Variants in SLIT2 observed in about 807,000 individuals in gnomAD.
The protein encoded by SLIT2 is slit guidance ligand 2.
Under a neutral mutation model 185.7 loss-of-function variants are expected in SLIT2, and 41 were observed. That is an observed-to-expected ratio of 0.22 (90% CI 0.17 to 0.29). The LOEUF is 0.29. SLIT2 is among the 10% of genes least tolerant of loss of function. SLIT2 has a pLI of 1.00. For synonymous variants in SLIT2, 693 were observed against 680.2 expected, an observed-to-expected ratio of 1.02 and a Z score of -0.29; for missense variants, 1,571 against 1,909.0, an observed-to-expected ratio of 0.82 and a Z score of 3.30.
chr4:20,480,706 T>G lies in SLIT2; in HGVS notation c.468-10T>G. Reference sequence around the variant, plus strand: ...CCCTTCTACATATATTCTTCTAATCTTTTTAACAGGCAACTGGATTACAAC... The same window carrying G: ...CCCTTCTACATATATTCTTCTAATCGTTTTAACAGGCAACTGGATTACAAC... On this transcript the variant is annotated splice_polypyrimidine_tract_variant and intron_variant, in intron 5 of 36. Transcript: ENST00000504154. 6.2e-7 allele frequency: 1 copy of G among 1,609,736 alleles called. No individual in the cohort carries two copies. Among genetic ancestry groups the G allele is most frequent in the South Asian group, 1.1e-5 (1 of 90,976 alleles).
At chr4:20,258,845 T>G (rs1577332073) in intron 3 of SLIT2, among the ~76,000 whole-genome samples, 1 of 151,848 alleles carries the variant, frequency 6.6e-6, no homozygotes, top group South Asian at 2.1e-4. Context: ...AATAGTCACT[T>G]TAAGTAAAAA....
intron 29 of SLIT2, among the ~76,000 whole-genome samples, chr4:20,569,691 T>C (rs1037688332): frequency 1.3e-5 from 2 of 152,092 alleles, no homozygotes; most frequent in African/African-American, 2.4e-5. Flanking sequence ...TTCATAGATA[T>C]GCTCTTTTTC....
intron 6 of SLIT2, among the ~76,000 whole-genome samples, chr4:20,485,607 C>T (rs1004445210): frequency 2.6e-5 from 4 of 152,218 alleles, no homozygotes; most frequent in Non-Finnish European, 5.9e-5. Flanking sequence ...TCTTTTAACA[C>T]GGTGCTACAG....
At chr4:20,307,231 T>TTTCCTTCCCTCCTTCCTTCCTTCC (rs1553876337) in intron 4 of SLIT2, among the ~76,000 whole-genome samples, 1 of 57,706 alleles carries the variant, frequency 1.7e-5, no homozygotes, top group African/African-American at 7.2e-5. Context: ...CTCTATTTCT[T>TTTCCTTCCCTCCTTCCTTCCTTCC]TTCCTTCCTT....
At chr4:20,278,476 AT>A (rs201212717) in intron 4 of SLIT2, among the ~76,000 whole-genome samples, 1 of 151,752 alleles carries the variant, frequency 6.6e-6, no homozygotes, top group Non-Finnish European at 1.5e-5. Flanking sequence ...AACTTTCCTC[AT>A]TTTTTTTAAC....
intron 4 of SLIT2, among the ~76,000 whole-genome samples, chr4:20,294,317 C>CCA (rs1716260209): frequency 6.6e-6 from 1 of 151,464 alleles, no homozygotes; most frequent in African/African-American, 2.4e-5. Context: ...CCACTGCACT[C>CCA]CATCCTGGAT....
chr4:20,568,421 C>CA (rs1725284315), intron 28 of SLIT2, among the ~76,000 whole-genome samples: 1 of 150,122 alleles, frequency 6.7e-6, no homozygotes, highest in African/African-American at 2.5e-5. Context: ...TTTTTTTTTT[C>CA]AAAACATCAA....
At chr4:20,341,890 A>G (rs1440103997) in intron 4 of SLIT2, among the ~76,000 whole-genome samples, 2 of 152,146 alleles carry the variant, frequency 1.3e-5, no homozygotes, top group African/African-American at 4.8e-5. Context: ...GTTTCAGTTA[A>G]TGTTTGTCAA....
Position 20,617,645 on chromosome 4 carries a change from A to G in SLIT2, c.4343A>G (p.Asp1448Gly), listed in dbSNP as rs1729779509. The G allele has an allele frequency of 6.2e-7, 1 of 1,608,630 alleles. No individual in the cohort carries two copies. Among genetic ancestry groups the G allele is most frequent in the Non-Finnish European group, 8.5e-7 (1 of 1,178,334 alleles). ...CSSGYTGDSCDREISCRGERI... is the reference protein window; with the variant it reads ...CSSGYTGDSCGREISCRGERI... The stretch of plus-strand genomic sequence containing the variant: ...AGTGGATACACGGGGGACAGCTGTG[A>G]TCGAGGTAAGCCAGCCCCACTGGGC... Residue 1448 changes from aspartate to glycine, a missense_variant, in exon 36 of 37, where the codon GAT becomes GGT. Asp to Gly is a moderately conservative substitution (Grantham distance 94). Around this residue, in one of 3 missense-constraint regions of SLIT2, gnomAD observed 223 missense variants for 245.2 expected, o/e 0.91. Transcript: ENST00000504154.
At chr4:20,412,846 A>G (rs1301430711) in intron 4 of SLIT2, among the ~76,000 whole-genome samples, 1 of 152,114 alleles carries the variant, frequency 6.6e-6, no homozygotes, top group Non-Finnish European at 1.5e-5. Flanking sequence ...TTATTTTTCT[A>G]TGGAATTGTC....
chr4:20,607,370 C>A (rs1348551652), intron 33 of SLIT2, among the ~76,000 whole-genome samples: 1 of 152,122 alleles, frequency 6.6e-6, no homozygotes, highest in East Asian at 1.9e-4. Flanking sequence ...CTATAGATAT[C>A]ATCTAGGAGT....
At chr4:20,298,280 G>A in intron 4 of SLIT2, among the ~76,000 whole-genome samples, 1 of 151,908 alleles carries the variant, frequency 6.6e-6, no homozygotes. Flanking sequence ...GTAGAGACGG[G>A]GTTTCTCCTT....
chr4:20,444,455 G>T (rs1011011073), intron 4 of SLIT2, among the ~76,000 whole-genome samples: 5 of 151,854 alleles, frequency 3.3e-5, no homozygotes, highest in Admixed American at 6.6e-5. Flanking sequence ...TACTGTAGTT[G>T]TGGTAGGTTT....
chr4:20,303,094 A>T (rs934267744), intron 4 of SLIT2, among the ~76,000 whole-genome samples: 2 of 152,214 alleles, frequency 1.3e-5, no homozygotes, highest in Non-Finnish European at 2.9e-5. Flanking sequence ...TATATCTGTG[A>T]TGACCTCAAA....
At position 20,333,204 on chromosome 4, in the gene SLIT2, G is replaced by A. The variant is rs946502975; in HGVS notation, c.395+64323G>A. Among the ~76,000 whole-genome samples the A allele has an allele frequency of 3.9e-5, 6 of 152,094 alleles. No individual in the cohort carries two copies. The South Asian group carries it at 1.0e-3, about 26-fold the overall frequency. Reference sequence around the variant, plus strand: ...AGCGTGCTTTTAGATTCTTCTGGGGGAAAAAAATTCAATGGACTAATAATT... The same window carrying A: ...AGCGTGCTTTTAGATTCTTCTGGGGAAAAAAAATTCAATGGACTAATAATT... On this transcript the variant is annotated intron_variant, in intron 4 of 36. Coordinates refer to ENST00000504154, the MANE Select transcript of SLIT2 (RefSeq NM_004787.4).
At chr4:20,376,004 A>G (rs559373900) in intron 4 of SLIT2, among the ~76,000 whole-genome samples, 131 of 151,982 alleles carry the variant, frequency 8.6e-4, no homozygotes, top group African/African-American at 3.0e-3. Context: ...GAGATTTAGG[A>G]ATTTATTCAA....
chr4:20,602,475 C>T (rs192152104), intron 33 of SLIT2, among the ~76,000 whole-genome samples: 98 of 152,280 alleles, frequency 6.4e-4, no homozygotes, highest in Non-Finnish European at 1.3e-3. Flanking sequence ...TTCTTGTAGA[C>T]ATGCCTGCTG....
chr4:20,405,116 A>G (rs1307793697), intron 4 of SLIT2, among the ~76,000 whole-genome samples: 1 of 151,938 alleles, frequency 6.6e-6, no homozygotes, highest in Non-Finnish European at 1.5e-5. Context: ...CTTTGTCCAA[A>G]AAGTTTATAA....
chr4:20,417,457 T>TATAC (rs919072867), intron 4 of SLIT2, among the ~76,000 whole-genome samples: 8 of 145,014 alleles, frequency 5.5e-5, no homozygotes, highest in Non-Finnish European at 6.1e-5. Context: ...TATATATATA[T>TATAC]ACGTATATAT....
Sources: allele counts gnomAD v4.1 joint callset (sites outside exome capture counted in the v4.1 genomes callset), GRCh38; gene constraint gnomAD v4.1.1; regional missense constraint gnomAD v4.1.1; transcripts MANE v1.5; gene names NCBI Gene and HGNC (gene_info 2026-07-23, HGNC 2026-07-21).